The following EXOC4 variants were observed in gnomAD, a reference collection of about 807,000 sequenced individuals.
EXOC4 encodes exocyst complex component 4, also known as SEC8-like 1.
EXOC4 carries 71 observed loss-of-function variants against 107.2 expected under a neutral mutation model. The observed-to-expected ratio is 0.66, with a 90% CI of 0.55 to 0.81. The LOEUF is 0.81. EXOC4 is among the 30% of genes least tolerant of loss of function. The pLI, the probability that EXOC4 is intolerant of heterozygous loss-of-function variation, is 0.00. For synonymous variants in EXOC4, 456 were observed against 441.2 expected, an observed-to-expected ratio of 1.03 and a Z score of -0.42; for missense variants, 1,108 against 1,189.6, an observed-to-expected ratio of 0.93 and a Z score of 1.01.
intron 9 of EXOC4, among the ~76,000 whole-genome samples, chr7:133,613,104 T>A (rs59574007): frequency 0.34 from 51,694 of 151,952 alleles, 9,226 homozygotes; most frequent in African/African-American, 0.44. Flanking sequence ...TAAAAAAAGA[T>A]ATGTCATGAA....
chr7:133,787,955 TTATATATTTATATATATATATATA>T (rs1410170063), intron 10 of EXOC4, among the ~76,000 whole-genome samples: 2,707 of 31,628 alleles, frequency 0.086, 255 homozygotes, highest in Non-Finnish European at 0.12. Flanking sequence ...GTGCATATAT[TTATATATTTATATATATATATATA>T]TATATATATA....
At chr7:133,973,358 G>T (rs1041993609) in intron 14 of EXOC4, among the ~76,000 whole-genome samples, 1 of 152,120 alleles carries the variant, frequency 6.6e-6, no homozygotes, top group Non-Finnish European at 1.5e-5. Flanking sequence ...ATAGTAATAA[G>T]CCAGACAAAG....
At chr7:133,954,459 C>A (rs987983800) in intron 14 of EXOC4, among the ~76,000 whole-genome samples, 5 of 152,248 alleles carry the variant, frequency 3.3e-5, no homozygotes, top group African/African-American at 4.8e-5. Context: ...TTATTGATTT[C>A]TTTTCTGGTT....
intron 10 of EXOC4, among the ~76,000 whole-genome samples, chr7:133,760,095 G>A (rs555057271): frequency 6.6e-6 from 1 of 152,256 alleles, no homozygotes; most frequent in South Asian, 2.1e-4. Context: ...CTGTTGTGCT[G>A]CTTAGTTCCG....
chr7:133,855,622 A>G (rs752465888), intron 11 of EXOC4, among the ~76,000 whole-genome samples: 2 of 150,290 alleles, frequency 1.3e-5, no homozygotes, highest in African/African-American at 2.4e-5. Context: ...AGAATGATCA[A>G]TGATTTTGAA....
At chr7:133,291,116 C>T (rs1794395190) in intron 3 of EXOC4, 1 of 151,746 alleles carries the variant, frequency 6.6e-6, no homozygotes, top group Non-Finnish European at 1.5e-5. Context: ...ATAAAACTAT[C>T]TGGTTGGGGC....
At chr7:134,098,907 A>T in the EXOC4 span, among the ~76,000 whole-genome samples, 12 of 152,164 alleles carry the variant, frequency 7.9e-5, no homozygotes, top group Non-Finnish European at 1.2e-4. Context: ...TAAAGATGTA[A>T]GAGTTTCTTA....
At chr7:133,561,055 T>C (rs760634868) in intron 9 of EXOC4, among the ~76,000 whole-genome samples, 5 of 152,042 alleles carry the variant, frequency 3.3e-5, no homozygotes, top group Non-Finnish European at 7.4e-5. Flanking sequence ...ACTAGGACAG[T>C]CATTATGTAC....
chr7:133,576,756 G>A (rs1373953602), intron 9 of EXOC4: 1 of 1,289,702 alleles, frequency 7.8e-7, no homozygotes, highest in Admixed American at 2.3e-5. Flanking sequence ...GGGTACTATT[G>A]GAGAGGTAAC....
intron 2 of EXOC4, 95 bp from the exon 3 acceptor site, chr7:133,288,827 G>T: frequency 1.0e-6 from 1 of 986,538 alleles, no homozygotes; most frequent in South Asian, 1.6e-5. Flanking sequence ...AGGAACTGCT[G>T]CATACAGTAG....
chr7:134,036,220 T>C (rs1795384733), intron 17 of EXOC4, among the ~76,000 whole-genome samples: 2 of 152,210 alleles, frequency 1.3e-5, no homozygotes, highest in Admixed American at 1.3e-4. Context: ...ACTTTCTAGT[T>C]TCCTTGATCA....
At chr7:133,895,538 T>C in intron 11 of EXOC4, 61 bp from the exon 12 acceptor site, 1 of 1,544,226 alleles carries the variant, frequency 6.5e-7, no homozygotes, top group Non-Finnish European at 8.9e-7. Flanking sequence ...GGAGTTGTCC[T>C]TCCTTGTCCA....
chr7:133,870,307 TATC>T (rs1283106305), intron 11 of EXOC4, among the ~76,000 whole-genome samples: 1 of 152,332 alleles, frequency 6.6e-6, no homozygotes, highest in East Asian at 1.9e-4. Flanking sequence ...ATGGAACAGA[TATC>T]ATGGAAATCC....
At chr7:134,032,977 A>G (rs1795301731) in intron 17 of EXOC4, among the ~76,000 whole-genome samples, 1 of 152,214 alleles carries the variant, frequency 6.6e-6, no homozygotes, top group South Asian at 2.1e-4. Flanking sequence ...TCATTACTGT[A>G]CTTTCACAGA....
rs531479082 is a variant in EXOC4, at chr7:134,059,356, A to G, written c.2688-4935A>G. On this transcript the variant is annotated intron_variant, in intron 17 of 17. Transcript: ENST00000253861. ...GAGAAAACTCCCTGGCCTCTTGTCTATGAAAATTTATGAAAAGCTCTTAAA... is the reference window on the plus strand; with the variant it reads ...GAGAAAACTCCCTGGCCTCTTGTCTGTGAAAATTTATGAAAAGCTCTTAAA... 3.9e-5 allele frequency among the ~76,000 whole-genome samples: 6 copies of G among 152,290 alleles called. No individual in the cohort carries two copies. In the South Asian group the frequency reaches 1.2e-3, roughly 32 times the overall value.
At position 133,353,496 on chromosome 7, in the gene EXOC4, G is replaced by T. The variant is rs560692907; in HGVS notation, c.764-2834G>T. Among the ~76,000 whole-genome samples, 3 of 152,180 alleles carry T rather than the reference G, an allele frequency of 2.0e-5. No individual in the cohort carries two copies. In the South Asian group the frequency reaches 6.2e-4, roughly 32 times the overall value. Reference sequence around the variant, plus strand: ...CTGCCTTCTGGCCTCGGAAATTTCTGATGAGAAATCTGTGGATAATCTTAT... The same window carrying T: ...CTGCCTTCTGGCCTCGGAAATTTCTTATGAGAAATCTGTGGATAATCTTAT... On this transcript the variant is annotated intron_variant, in intron 5 of 17. Transcript: ENST00000253861.
At chr7:133,883,228 G>A (rs1468430717) in intron 11 of EXOC4, among the ~76,000 whole-genome samples, 1 of 151,450 alleles carries the variant, frequency 6.6e-6, no homozygotes, top group African/African-American at 2.4e-5. Flanking sequence ...GCAGTAGCTT[G>A]TCTTTTTTAT....
intron 17 of EXOC4, among the ~76,000 whole-genome samples, chr7:134,028,151 AC>A (rs1795186520): frequency 6.6e-6 from 1 of 152,178 alleles, no homozygotes; most frequent in Admixed American, 6.5e-5. Context: ...TATCATGTTA[AC>A]CCCATTAACC....
chr7:134,080,798 T>G, the EXOC4 span, among the ~76,000 whole-genome samples: 6 of 151,618 alleles, frequency 4.0e-5, no homozygotes, highest in African/African-American at 1.5e-4. Context: ...ATATAAAAAT[T>G]AGCCAGGCAT....
Sources: gnomAD v4.1 joint callset for allele counts (sites outside exome capture counted in the v4.1 genomes callset) on GRCh38, gnomAD v4.1.1 for gene constraint, MANE v1.5 for transcripts, NCBI Gene and HGNC (gene_info 2026-07-23, HGNC 2026-07-21) for gene names.